Variants in DAPK1 observed in about 807,000 individuals in gnomAD.
DAPK1 encodes death associated protein kinase 1, also known as death-associated protein kinase 1.
In DAPK1, 56 loss-of-function variants were observed where a neutral mutation model predicts 144.9. That is an observed-to-expected ratio of 0.39 (90% CI 0.31 to 0.48). DAPK1 has a LOEUF of 0.48. Ranked by LOEUF, DAPK1 falls within the 20% of genes least tolerant of loss-of-function variation. DAPK1 has a pLI of 0.95. For missense variants in DAPK1, 1,454 were observed against 1,875.4 expected, an observed-to-expected ratio of 0.78 and a Z score of 4.15; for synonymous variants, 690 against 749.0, an observed-to-expected ratio of 0.92 and a Z score of 1.29.
At chr9:87,599,840 G>A (rs1341316757) in intron 2 of DAPK1, among the ~76,000 whole-genome samples, 1 of 152,088 alleles carries the variant, frequency 6.6e-6, no homozygotes, top group Non-Finnish European at 1.5e-5. Context: ...GTGAGTCTCT[G>A]GTCAAATCAT....
At chr9:87,622,196 C>T (rs967705356) in intron 3 of DAPK1, among the ~76,000 whole-genome samples, 8 of 151,988 alleles carry the variant, frequency 5.3e-5, no homozygotes, top group Non-Finnish European at 8.8e-5. Context: ...CTTTCCCATG[C>T]GCCCTCGCTC....
intron 3 of DAPK1, among the ~76,000 whole-genome samples, chr9:87,612,187 C>T (rs1271364439): frequency 2.0e-5 from 3 of 152,186 alleles, no homozygotes; most frequent in African/African-American, 7.2e-5. Context: ...AACACTCTTA[C>T]AATGGCAATT....
intron 3 of DAPK1, among the ~76,000 whole-genome samples, chr9:87,618,314 T>C (rs1829170677): frequency 6.6e-6 from 1 of 152,226 alleles, no homozygotes; most frequent in South Asian, 2.1e-4. Context: ...GAAATTGTAA[T>C]GCTCAAACAG....
chr9:87,531,153 C>G (rs780171603), intron 2 of DAPK1, among the ~76,000 whole-genome samples: 1 of 152,116 alleles, frequency 6.6e-6, no homozygotes, highest in Non-Finnish European at 1.5e-5. Flanking sequence ...CTGATCATTG[C>G]ATTGTTGCAC....
chr9:87,581,063 ATCT>A (rs1434450362), intron 2 of DAPK1, among the ~76,000 whole-genome samples: 4 of 152,224 alleles, frequency 2.6e-5, no homozygotes, highest in Non-Finnish European at 5.9e-5. Flanking sequence ...CGCGTAACTT[ATCT>A]GAGTTCTCTC....
chr9:87,694,700 G>A (rs1825195496), intron 21 of DAPK1, among the ~76,000 whole-genome samples: 1 of 152,188 alleles, frequency 6.6e-6, no homozygotes, highest in Non-Finnish European at 1.5e-5. Flanking sequence ...CTGTCAATGG[G>A]TTATGCCTAG....
chr9:87,701,374 G>T (rs1471644153), intron 24 of DAPK1, among the ~76,000 whole-genome samples: 4 of 152,078 alleles, frequency 2.6e-5, no homozygotes, highest in East Asian at 3.9e-4. Context: ...AATAACTAGG[G>T]ACTGAGGGAA....
chr9:87,499,386 C>A, intron 2 of DAPK1: 1 of 474,738 alleles, frequency 2.1e-6, no homozygotes, highest in Non-Finnish European at 3.8e-6. Flanking sequence ...GTCCCCTGGA[C>A]AAAATCAGAT....
chr9:87,592,707 G>A (rs995642246), intron 2 of DAPK1, among the ~76,000 whole-genome samples: 1 of 152,090 alleles, frequency 6.6e-6, no homozygotes, highest in African/African-American at 2.4e-5. Context: ...GGTGAGGTCA[G>A]CCTCGTGGCT....
At chr9:87,635,430 C>T (rs1829856192) in intron 3 of DAPK1, among the ~76,000 whole-genome samples, 1 of 152,102 alleles carries the variant, frequency 6.6e-6, no homozygotes, top group Non-Finnish European at 1.5e-5. Flanking sequence ...TGAAGAGGGC[C>T]ACGGAGAGAA....
At chr9:87,545,361 T>G (rs1826206142) in intron 2 of DAPK1, among the ~76,000 whole-genome samples, 1 of 152,190 alleles carries the variant, frequency 6.6e-6, no homozygotes, top group African/African-American at 2.4e-5. Flanking sequence ...TAATGGCTGC[T>G]TTAATTAAAA....
chr9:87,683,113 C>T (rs576202266), intron 20 of DAPK1, among the ~76,000 whole-genome samples: 1 of 147,884 alleles, frequency 6.8e-6, no homozygotes, highest in African/African-American at 2.5e-5. Context: ...GATGGAGTCT[C>T]GCTCTGTTGC....
At chr9:87,646,106 C>T in intron 12 of DAPK1, 92 bp downstream of exon 12, 1 of 1,451,208 alleles carries the variant, frequency 6.9e-7, no homozygotes, top group East Asian at 2.3e-5. Flanking sequence ...CTTCTCCATT[C>T]TCCCTTCCAA....
chr9:87,612,589 A>G (rs1828967064), intron 3 of DAPK1, among the ~76,000 whole-genome samples: 1 of 152,218 alleles, frequency 6.6e-6, no homozygotes. Flanking sequence ...GGCCTAGGAA[A>G]CTAACACAGA....
intron 2 of DAPK1, among the ~76,000 whole-genome samples, chr9:87,564,213 T>C (rs952564200): frequency 2.0e-5 from 3 of 152,176 alleles, no homozygotes; most frequent in Non-Finnish European, 4.4e-5. Context: ...CTACTGGCTC[T>C]TGGGCCCTGA....
At chr9:87,681,647 C>G (rs771995253) in intron 20 of DAPK1, 21 bp downstream of exon 20, 2 of 1,219,530 alleles carry the variant, frequency 1.6e-6, no homozygotes, top group Non-Finnish European at 2.4e-6. Flanking sequence ...CCATGCTGGC[C>G]CCGTCTCTCC....
At chr9:87,685,053 C>T (rs1475268820) in intron 20 of DAPK1, among the ~76,000 whole-genome samples, 1 of 152,190 alleles carries the variant, frequency 6.6e-6, no homozygotes, top group Non-Finnish European at 1.5e-5. Flanking sequence ...CTTGGGCAAC[C>T]CAGCAGCTTT....
chr9:87,615,085 C>T (rs912395356), intron 3 of DAPK1, among the ~76,000 whole-genome samples: 1 of 152,190 alleles, frequency 6.6e-6, no homozygotes, highest in Non-Finnish European at 1.5e-5. Flanking sequence ...TGACAGTCTT[C>T]CCAAGACGTC....
At chr9:87,614,985 G>A (rs1272864701) in intron 3 of DAPK1, among the ~76,000 whole-genome samples, 7 of 152,160 alleles carry the variant, frequency 4.6e-5, no homozygotes, top group South Asian at 2.1e-4. Context: ...GGGATGGTTC[G>A]TCTCCAGCTG....
Sources: allele counts gnomAD v4.1 joint callset (sites outside exome capture counted in the v4.1 genomes callset), GRCh38; gene constraint gnomAD v4.1.1; transcripts MANE v1.5; gene names NCBI Gene and HGNC (gene_info 2026-07-23, HGNC 2026-07-21).